The following JAKMIP3 variants were observed in gnomAD, a reference collection of about 807,000 sequenced individuals.
JAKMIP3 encodes janus kinase and microtubule-interacting protein 3.
JAKMIP3 carries 58 observed loss-of-function variants against 118.5 expected under a neutral mutation model. The observed-to-expected ratio is 0.49, with a 90% confidence interval of 0.40 to 0.61. JAKMIP3 has a LOEUF of 0.61. Among genes scored for constraint, JAKMIP3 ranks in the 20% least tolerant of loss-of-function variants. The probability of loss-of-function intolerance (pLI) is 0.00; values close to 1 mark genes in which losing one functional copy is unlikely to be tolerated. For synonymous variants in JAKMIP3, 486 were observed against 451.2 expected (o/e 1.08, Z -0.98); for missense variants, 950 against 1,109.0 (o/e 0.86, Z 2.04).
intron 1 of JAKMIP3, among the ~76,000 whole-genome samples, chr10:132,100,191 C>T (rs947502182): frequency 2.0e-5 from 3 of 152,186 alleles, no homozygotes; most frequent in Admixed American, 6.5e-5. Context: ...CCGCACAGAC[C>T]CCCACACAGG....
chr10:132,123,570 G>A (rs939018659), intron 3 of JAKMIP3, among the ~76,000 whole-genome samples: 1 of 152,230 alleles, frequency 6.6e-6, no homozygotes, highest in African/African-American at 2.4e-5. Context: ...GGGGTAGGAG[G>A]AGTAGCCTGT....
At chr10:132,166,644 C>T (rs564802684) in intron 21 of JAKMIP3, among the ~76,000 whole-genome samples, 14 of 152,306 alleles carry the variant, frequency 9.2e-5, no homozygotes, top group East Asian at 5.8e-4. Flanking sequence ...CAGGTCTCAG[C>T]GATGGGTTTC....
In JAKMIP3 at chr10:132,153,786, G is replaced by A; in HGVS notation, c.2101G>A (p.Ala701Thr). 1 of 1,613,116 alleles carries A rather than the reference G, an allele frequency of 6.2e-7. No homozygotes were observed. Among genetic ancestry groups the A allele is most frequent in the Non-Finnish European group, 8.5e-7 (1 of 1,179,870 alleles). Residue 701 changes from alanine to threonine, a missense_variant, in exon 18 of 24, where the codon GCG (alanine) becomes ACG (threonine). Ala to Thr is a moderately conservative substitution (Grantham distance 58). Transcript: ENST00000684848. ...GCTCCAGCAGATTGAGGAGACAGAGGCGGCGCTGCAGCGGAAGATGGTGGA... is the reference window on the plus strand; with the variant it reads ...GCTCCAGCAGATTGAGGAGACAGAGACGGCGCTGCAGCGGAAGATGGTGGA... ...KWLQQIEETE[A>T]ALQRKMVDLE...
intron 19 of JAKMIP3, among the ~76,000 whole-genome samples, chr10:132,162,226 A>G (rs41290009): frequency 3.9e-4 from 59 of 152,194 alleles, no homozygotes; most frequent in Non-Finnish European, 7.2e-4. Flanking sequence ...GCCTCTCTGG[A>G]CATGGGTGTG....
intron 1 of JAKMIP3, among the ~76,000 whole-genome samples, chr10:132,080,875 T>C (rs1173821989): frequency 6.6e-6 from 1 of 152,196 alleles, no homozygotes; most frequent in African/African-American, 2.4e-5. Context: ...AGATAGGATT[T>C]GCAAATATTT....
intron 16 of JAKMIP3, among the ~76,000 whole-genome samples, chr10:132,152,475 T>C (rs2056384235): frequency 6.6e-6 from 1 of 152,158 alleles, no homozygotes; most frequent in Non-Finnish European, 1.5e-5. Context: ...GAATAAAACA[T>C]GCATAAAAGA....
chr10:132,171,987 A>G (rs1373568581), intron 23 of JAKMIP3, among the ~76,000 whole-genome samples: 3 of 152,054 alleles, frequency 2.0e-5, no homozygotes, highest in African/African-American at 7.2e-5. Context: ...ATAGATTTTC[A>G]AAACTTAACT....
chr10:132,044,268 C>T lies in JAKMIP3; in HGVS notation c.-138+7530C>T, dbSNP rs1275042938. Among the ~76,000 whole-genome samples the T allele has an allele frequency of 6.6e-6, 1 of 152,212 alleles. No homozygotes were observed. The highest frequency in any genetic ancestry group is 2.4e-5 in the African/African-American group (1 of 41,456). On this transcript the variant is annotated intron_variant, in intron 1 of 23. Coordinates refer to the JAKMIP3 transcript ENST00000657785. This position sits in a 1 kb window ranked among gnomAD's most constrained non-coding sequence, Gnocchi z 5.3. ...TAGACACGTCTCCTGGTCCAGGCATCGTGGACCTCCCTGGGGTGAGTAGTC... is the reference window on the plus strand; with the variant it reads ...TAGACACGTCTCCTGGTCCAGGCATTGTGGACCTCCCTGGGGTGAGTAGTC...
intron 1 of JAKMIP3, among the ~76,000 whole-genome samples, chr10:132,083,312 G>C (rs1046908216): frequency 1.3e-5 from 2 of 152,000 alleles, no homozygotes; most frequent in African/African-American, 4.8e-5. Context: ...TCATATGTTT[G>C]TTGGCCATTT....
At chr10:132,159,167 T>A (rs1192487563) in intron 19 of JAKMIP3, among the ~76,000 whole-genome samples, 1 of 125,920 alleles carries the variant, frequency 7.9e-6, no homozygotes, top group Non-Finnish European at 1.6e-5. Flanking sequence ...TGGGGGTATC[T>A]CTTCCTGTGT....
rs1346069814 is a variant in JAKMIP3 at position 132,180,738 on chromosome 10, CGTGCGTGCGCGCGCGTGT to C, written c.*1104-1611_*1104-1594del. The stretch of plus-strand genomic sequence containing the variant: ...GTGTGTGCGTGTGTGTGCGTGTGTG[CGTGCGTGCGCGCGCGTGT>C]GTGCGTGTGTGTGCGTGTGTGTGTG... On this transcript the variant is annotated intron_variant, in intron 23 of 23. Coordinates refer to ENST00000684848, the MANE Select transcript of JAKMIP3 (RefSeq NM_001323087.2). 6.0e-3 allele frequency among the ~76,000 whole-genome samples: 45 copies of C among 7,478 alleles called. 10 individuals are homozygous for C. The highest frequency in any genetic ancestry group is 7.1e-3 in the African/African-American group (11 of 1,550). The allele number at this position is 7,478 out of a possible 152,430, so 4.9% of individuals were successfully genotyped here. A position where few individuals can be genotyped will look rare whatever the true frequency, so the allele number is the denominator to read the frequency against.
rs370679572 is a variant in JAKMIP3 at position 132,118,620 on chromosome 10, G to A, written c.633+1046G>A. The stretch of plus-strand genomic sequence containing the variant: ...CTCTCCACACCCACAGCCAGGAAGG[G>A]AGAACCAGCCATTGTGGAGTAAATA... On this transcript the variant is annotated intron_variant, in intron 3 of 23. Transcript: ENST00000684848. This position sits in a 1 kb window ranked among gnomAD's most constrained non-coding sequence, Gnocchi z 4.8. Among the ~76,000 whole-genome samples, 9 of 152,350 alleles carry A rather than the reference G, an allele frequency of 5.9e-5. No individual in the cohort carries two copies. The highest frequency in any genetic ancestry group is 1.7e-4 in the African/African-American group (7 of 41,586).
In JAKMIP3 at chr10:132,150,518, C is replaced by T. The variant is rs75232866; in HGVS notation, c.2007+477C>T. Among the ~76,000 whole-genome samples, 763 of 152,266 alleles carry T rather than the reference C, an allele frequency of 5.0e-3. 2 individuals carry two copies. Among genetic ancestry groups the T allele is most frequent in the African/African-American group, 0.018 (730 of 41,530 alleles). On this transcript the variant is annotated intron_variant, in intron 16 of 23. Coordinates refer to ENST00000684848, the MANE Select transcript of JAKMIP3 (RefSeq NM_001323087.2). The stretch of plus-strand genomic sequence containing the variant: ...TAATGCACCTCTTCATCCCAATTTT[C>T]ATCCGCCCATTACTAATCCTCTGCT...
intron 1 of JAKMIP3, among the ~76,000 whole-genome samples, chr10:132,041,398 G>T (rs953730472): frequency 6.6e-6 from 1 of 152,238 alleles, no homozygotes; most frequent in African/African-American, 2.4e-5. Flanking sequence ...CTGAGAGGAG[G>T]TGAGAGGATG....
Position 132,136,032 on chromosome 10 carries a change from A to G in JAKMIP3, c.1072A>G (p.Met358Val), listed in dbSNP as rs1452347890. 2 of 1,613,616 alleles carry G rather than the reference A, an allele frequency of 1.2e-6. No homozygotes were observed. The highest frequency in any genetic ancestry group is 1.7e-6 in the Non-Finnish European group (2 of 1,179,862). ...GGATTTGTCTCATGCTTTACGCCGA[A>G]TGGAAAACAAGTTAAAATTTGTCAC... is the stretch of plus-strand genomic sequence containing the variant. ...NEDLSHALRR[M>V]ENKLKFVTQE... The change falls in exon 6 of 24, where the codon ATG becomes GTG. Residue 358 changes from methionine to valine, a missense_variant. Met to Val is a conservative substitution (Grantham distance 21). Coordinates refer to ENST00000684848, the MANE Select transcript of JAKMIP3 (RefSeq NM_001323087.2).
intron 2 of JAKMIP3, among the ~76,000 whole-genome samples, chr10:132,111,386 G>T (rs577264330): frequency 6.6e-6 from 1 of 152,282 alleles, no homozygotes; most frequent in South Asian, 2.1e-4. Context: ...CAGGGTCGGG[G>T]GTGGCTCCAG....
chr10:132,038,650 A>G (rs1247409283), intron 1 of JAKMIP3, among the ~76,000 whole-genome samples: 1 of 152,032 alleles, frequency 6.6e-6, no homozygotes, highest in African/African-American at 2.4e-5. Flanking sequence ...TACAATAATT[A>G]GCTGGGCATG....
upstream of JAKMIP3, among the ~76,000 whole-genome samples, chr10:132,064,304 C>A (rs2038531334): frequency 6.6e-6 from 1 of 152,204 alleles, no homozygotes. This position sits in a 1 kb window ranked among gnomAD's most constrained non-coding sequence, Gnocchi z 4.4. Flanking sequence ...ACACACCATC[C>A]TTGTGTTGTT....
intron 1 of JAKMIP3, among the ~76,000 whole-genome samples, chr10:132,048,061 C>T (rs919956261): frequency 6.6e-6 from 1 of 152,230 alleles, no homozygotes; most frequent in African/African-American, 2.4e-5. Context: ...CTGGGGTTCT[C>T]TCGTGACGGG....
Sources: allele counts gnomAD v4.1 joint callset (sites outside exome capture counted in the v4.1 genomes callset), GRCh38; gene constraint gnomAD v4.1.1; non-coding constraint Gnocchi (gnomAD v3.1); transcripts MANE v1.5; gene names NCBI Gene and HGNC (gene_info 2026-07-23, HGNC 2026-07-21).